FMR1: variants seen among roughly 807,000 people sequenced by gnomAD.
The protein encoded by FMR1 is FMRP translational regulator 1.
In FMR1, 13 loss-of-function variants were observed where a neutral mutation model predicts 50.6. The observed-to-expected ratio is 0.26, with a 90% CI of 0.17 to 0.41. The LOEUF (loss-of-function observed/expected upper bound fraction) is 0.41. FMR1 is among the 10% of genes least tolerant of loss of function. FMR1 has a pLI of 1.00. For missense variants in FMR1, 316 were observed against 491.3 expected (o/e 0.64, Z 3.37); for synonymous variants, 138 against 164.1 (o/e 0.84, Z 1.22).
intron 16 of FMR1, among the ~76,000 whole-genome samples, chrX:147,945,961 C>T (rs1458922989): frequency 1.8e-5 from 2 of 112,042 alleles, no homozygotes; most frequent in African/African-American, 3.3e-5. Flanking sequence ...AGAGCAACCT[C>T]TGCCTCCCGG....
intron 1 of FMR1, among the ~76,000 whole-genome samples, chrX:147,918,643 C>T (rs1846778844): frequency 1.1e-5 from 1 of 89,021 alleles, no homozygotes; most frequent in Non-Finnish European, 2.1e-5. Context: ...AGGAAATAAG[C>T]AAATGTAGAT....
At chrX:147,928,618 T>G (rs930318406) in intron 4 of FMR1, 41 bp from the exon 5 acceptor site, 10 of 1,130,587 alleles carry the variant, frequency 8.8e-6, no homozygotes, top group Non-Finnish European at 1.2e-5. Context: ...TATTCTTACT[T>G]TAAAAATTGT....
intron 2 of FMR1, among the ~76,000 whole-genome samples, chrX:147,922,291 A>G (rs1049346914): frequency 2.7e-5 from 3 of 111,999 alleles, no homozygotes; most frequent in Admixed American, 1.9e-4. Context: ...GTATTTGTAA[A>G]TTTTAAAAAG....
chrX:147,946,613 C>T (rs1270282361), intron 16 of FMR1, among the ~76,000 whole-genome samples: 1 of 112,640 alleles, frequency 8.9e-6, no homozygotes, highest in Non-Finnish European at 1.9e-5. Flanking sequence ...TAGGTGAGTG[C>T]ACTGTAGCTT....
chrX:147,936,806 G>A (rs1557179731), intron 10 of FMR1, among the ~76,000 whole-genome samples, 193 bp downstream of exon 10: 1 of 111,656 alleles, frequency 9.0e-6, no homozygotes, highest in African/African-American at 3.3e-5. Context: ...GTTTGGATTA[G>A]TCACTTTATT....
At chrX:147,920,229 C>T (rs1394227717) in intron 1 of FMR1, among the ~76,000 whole-genome samples, 1 of 111,904 alleles carries the variant, frequency 8.9e-6, no homozygotes, top group Non-Finnish European at 1.9e-5. Flanking sequence ...ATTCTTTTTG[C>T]ATGTGGGTGT....
chrX:147,930,121 C>G lies in FMR1; in HGVS notation c.514-7C>G, dbSNP rs950256037. On this transcript the variant is annotated splice_region_variant and splice_polypyrimidine_tract_variant and intron_variant, in intron 6 of 16. Coordinates refer to ENST00000370475, the MANE Select transcript of FMR1 (RefSeq NM_002024.6). ...TGATAATAATGTTGTTAATTTAAAT[C>G]ATTTAGTCCATCAATGAAGTCACCT... 1 of 1,182,440 alleles carries G rather than the reference C, an allele frequency of 8.5e-7. No individual in the cohort carries two copies. Among genetic ancestry groups the G allele is most frequent in the East Asian group, 3.0e-5 (1 of 33,670 alleles).
At chrX:147,927,617 C>T (rs782320232) in intron 3 of FMR1, 1 of 111,161 alleles carries the variant, frequency 9.0e-6, no homozygotes, top group Admixed American at 9.6e-5. Context: ...TTCCTATTAA[C>T]CTTGATTTGC....
chrX:147,931,025 A>G (rs1172791590), intron 7 of FMR1: 2 of 112,218 alleles, frequency 1.8e-5, no homozygotes, highest in Non-Finnish European at 3.8e-5. Context: ...AACTTGATGT[A>G]TGATGCTGAA....
At chrX:147,918,482 T>C (rs1011648691) in intron 1 of FMR1, among the ~76,000 whole-genome samples, 1 of 105,345 alleles carries the variant, frequency 9.5e-6, no homozygotes, top group African/African-American at 3.5e-5. Flanking sequence ...CTCTGATGAT[T>C]ACTCAAACCA....
chrX:147,936,433 T>TA (rs782737667), intron 9 of FMR1, 71 bp from the exon 10 acceptor site: 3 of 633,661 alleles, frequency 4.7e-6, no homozygotes, highest in Non-Finnish European at 8.0e-6. Context: ...TGTAATAGTT[T>TA]ACAGTAGGGC....
chrX:147,943,424 G>A (rs1366120188), intron 14 of FMR1, 98 bp downstream of exon 14: 16 of 790,030 alleles, frequency 2.0e-5, no homozygotes, highest in Admixed American at 1.5e-4. Flanking sequence ...ACAATTTGCC[G>A]CTACATGGTT....
Position 147,916,320 on chromosome X carries a change from A to G in FMR1, c.51+4090A>G, listed in dbSNP as rs201322332. On this transcript the variant is annotated intron_variant, in intron 1 of 16. Transcript: ENST00000370475. Reference sequence around the variant, plus strand: ...GTGAAGCTAAATGTGTTTTTCACATAATTTGTAGCCTATATGAAGTCCTGG... The same window carrying G: ...GTGAAGCTAAATGTGTTTTTCACATGATTTGTAGCCTATATGAAGTCCTGG... Among the ~76,000 whole-genome samples, 5 of 112,232 alleles carry G rather than the reference A, an allele frequency of 4.5e-5. No homozygotes were observed. The East Asian group carries it at 8.4e-4, about 19-fold the overall frequency.
chrX:147,924,099 A>AT (rs1245344131), intron 2 of FMR1, among the ~76,000 whole-genome samples: 4 of 110,792 alleles, frequency 3.6e-5, no homozygotes, highest in East Asian at 5.6e-4. Flanking sequence ...TAAAATCATT[A>AT]TTTTTTCCTT....
At chrX:147,936,762 G>C (rs1243017894) in intron 10 of FMR1, 149 bp downstream of exon 10, 1 of 472,403 alleles carries the variant, frequency 2.1e-6, no homozygotes, top group Non-Finnish European at 3.8e-6. Context: ...TATAATTGTA[G>C]ATAATGGCCC....
At chrX:147,918,067 A>T (rs1432612981) in intron 1 of FMR1, among the ~76,000 whole-genome samples, 1 of 111,576 alleles carries the variant, frequency 9.0e-6, no homozygotes, top group Non-Finnish European at 1.9e-5. Flanking sequence ...ATAGGTAGGG[A>T]TCATAGCAAA....
intron 1 of FMR1, among the ~76,000 whole-genome samples, chrX:147,914,993 A>G (rs1211706131): frequency 3.6e-5 from 4 of 111,947 alleles, no homozygotes; most frequent in African/African-American, 1.3e-4. Context: ...TTTGTGTACT[A>G]GTATGAAAAT....
In FMR1 at chrX:147,950,341, CTT is replaced by C. The variant is rs1557183365; in HGVS notation, c.*1500_*1501del. 1 of 327,514 alleles carries C rather than the reference CTT, an allele frequency of 3.1e-6. No homozygotes were observed. The highest frequency in any genetic ancestry group is 2.7e-5 in the African/African-American group (1 of 37,621). 27.0% of individuals were successfully genotyped at this position (327,514 alleles called of 1,213,427 possible). On this transcript the variant is annotated 3_prime_UTR_variant, in exon 17 of 17. Transcript: ENST00000370475. The stretch of plus-strand genomic sequence containing the variant: ...CATGATTTCACAAATATTAAAAAGT[CTT>C]TTAAAAAGTATTGCCAAACATTAAT...
At chrX:147,942,121 C>T (rs782033216) in intron 13 of FMR1, among the ~76,000 whole-genome samples, 76 of 112,557 alleles carry the variant, frequency 6.8e-4, no homozygotes, top group South Asian at 4.0e-3. Context: ...ACAGATGAAA[C>T]GGACCAAATC....
Sources: gnomAD v4.1 joint callset for allele counts (sites outside exome capture counted in the v4.1 genomes callset) on GRCh38, gnomAD v4.1.1 for gene constraint, MANE v1.5 for transcripts, NCBI Gene and HGNC (gene_info 2026-07-23, HGNC 2026-07-21) for gene names.